PAQR5: variants seen among roughly 807,000 people sequenced by gnomAD.
PAQR5 encodes progestin and adipoQ receptor family member 5, also known as membrane progestin receptor gamma.
PAQR5 carries 20 observed loss-of-function variants against 34.5 expected under a neutral mutation model. The observed-to-expected ratio is 0.58, with a 90% CI of 0.41 to 0.84. The LOEUF (loss-of-function observed/expected upper bound fraction) is 0.84. Among genes scored for constraint, PAQR5 ranks in the 40% least tolerant of loss-of-function variants. The pLI is 0.00. For missense variants in PAQR5, 378 were observed against 412.7 expected (o/e 0.92, Z 0.73); for synonymous variants, 131 against 155.6 (o/e 0.84, Z 1.18).
At chr15:69,318,658 C>T (rs1213527333) in intron 1 of PAQR5, among the ~76,000 whole-genome samples, 1 of 151,920 alleles carries the variant, frequency 6.6e-6, no homozygotes, top group Non-Finnish European at 1.5e-5. Context: ...TCCCCCTTAT[C>T]TGCAAGGGAG....
intron 3 of PAQR5, among the ~76,000 whole-genome samples, chr15:69,372,661 C>A (rs1388960650): frequency 6.6e-6 from 1 of 152,186 alleles, no homozygotes; most frequent in African/African-American, 2.4e-5. Flanking sequence ...TTGTTTCATA[C>A]CAGCAATGGC....
At chr15:69,312,554 A>T (rs1273856672) in intron 1 of PAQR5, among the ~76,000 whole-genome samples, 1 of 151,254 alleles carries the variant, frequency 6.6e-6, no homozygotes, top group Non-Finnish European at 1.5e-5. Context: ...CAGCGGGGGA[A>T]CTTCGCTCCC....
chr15:69,400,885 A>G (rs967305487), intron 8 of PAQR5: 3 of 152,528 alleles, frequency 2.0e-5, no homozygotes, highest in African/African-American at 4.8e-5. Context: ...AGCCAGCAGC[A>G]TCAGCATCAT....
At chr15:69,382,523 T>G (rs2055915094) in intron 4 of PAQR5, among the ~76,000 whole-genome samples, 2 of 150,570 alleles carry the variant, frequency 1.3e-5, no homozygotes, top group Non-Finnish European at 3.0e-5. Context: ...AGGGTGCCTG[T>G]AGTCCCAGCT....
At chr15:69,402,585 G>A (rs1180494798) in intron 8 of PAQR5, among the ~76,000 whole-genome samples, 1 of 152,086 alleles carries the variant, frequency 6.6e-6, no homozygotes, top group Admixed American at 6.5e-5. Context: ...CAAAGTGCTG[G>A]GATTACAGGC....
At chr15:69,321,652 C>T (rs1211769880) in intron 1 of PAQR5, among the ~76,000 whole-genome samples, 2 of 152,184 alleles carry the variant, frequency 1.3e-5, no homozygotes, top group African/African-American at 4.8e-5. Flanking sequence ...TATCTTTGGA[C>T]CAAACAGATA....
At chr15:69,367,282 T>C (rs1446837934) in intron 3 of PAQR5, among the ~76,000 whole-genome samples, 8 of 152,220 alleles carry the variant, frequency 5.3e-5, no homozygotes, top group South Asian at 2.1e-4. Flanking sequence ...TTTTTTTCTT[T>C]TCATATGCTA....
chr15:69,316,797 G>T (rs2053962011), intron 1 of PAQR5, among the ~76,000 whole-genome samples: 1 of 152,068 alleles, frequency 6.6e-6, no homozygotes, highest in South Asian at 2.1e-4. Context: ...AATTAAGTGG[G>T]GTGTAAAATG....
intron 1 of PAQR5, among the ~76,000 whole-genome samples, chr15:69,329,276 T>C (rs2054323976): frequency 6.6e-6 from 1 of 151,984 alleles, no homozygotes; most frequent in Non-Finnish European, 1.5e-5. Context: ...GGTCCATCCA[T>C]GGATTTTCAT....
At chr15:69,307,010 A>G (rs2053732296) in intron 1 of PAQR5, among the ~76,000 whole-genome samples, 1 of 152,094 alleles carries the variant, frequency 6.6e-6, no homozygotes, top group South Asian at 2.1e-4. Context: ...CACTTAGCAT[A>G]GTGTCTTCAA....
chr15:69,376,079 G>T (rs2055698764), intron 3 of PAQR5, among the ~76,000 whole-genome samples: 1 of 152,188 alleles, frequency 6.6e-6, no homozygotes, highest in African/African-American at 2.4e-5. Context: ...GTGCCCTTCT[G>T]CTCCTAGTTC....
chr15:69,336,163 T>C (rs1037950562), intron 1 of PAQR5, among the ~76,000 whole-genome samples: 1 of 152,220 alleles, frequency 6.6e-6, no homozygotes, highest in African/African-American at 2.4e-5. Flanking sequence ...TTTGGAGTTA[T>C]CATTTTGGCT....
intron 8 of PAQR5, 51 bp downstream of exon 8, chr15:69,400,166 AG>A: frequency 6.4e-7 from 1 of 1,570,930 alleles, no homozygotes; most frequent in Non-Finnish European, 8.7e-7. Flanking sequence ...CTGACTGGGG[AG>A]GGTCCTGTCC....
chr15:69,336,951 G>A (rs1452982935), intron 1 of PAQR5, among the ~76,000 whole-genome samples: 1 of 152,148 alleles, frequency 6.6e-6, no homozygotes, highest in Non-Finnish European at 1.5e-5. Context: ...ATAGACTTTT[G>A]TCATCCACAG....
At chr15:69,331,646 G>A (rs1041462631) in intron 1 of PAQR5, among the ~76,000 whole-genome samples, 2 of 152,004 alleles carry the variant, frequency 1.3e-5, no homozygotes, top group African/African-American at 4.8e-5. Context: ...TCTGGTCTTC[G>A]CCTTGCCCAG....
intron 4 of PAQR5, among the ~76,000 whole-genome samples, chr15:69,383,344 TGGTGGAGGGTGAGTG>T (rs2055974947): frequency 2.3e-5 from 3 of 130,438 alleles, no homozygotes; most frequent in African/African-American, 9.1e-5. Context: ...TCCGTGCTCA[TGGTGGAGGGTGAGTG>T]GGCCTTTGTG....
intron 1 of PAQR5, among the ~76,000 whole-genome samples, chr15:69,302,522 G>C (rs2053628198): frequency 6.6e-6 from 1 of 152,196 alleles, no homozygotes; most frequent in Non-Finnish European, 1.5e-5. Flanking sequence ...TCGAAGGCCA[G>C]GGCAAAGTGA....
At chr15:69,301,250 C>T (rs1238873338) in intron 1 of PAQR5, among the ~76,000 whole-genome samples, 6 of 151,994 alleles carry the variant, frequency 3.9e-5, no homozygotes, top group East Asian at 1.9e-4. Flanking sequence ...ATGACCCACC[C>T]GGGTTGGCCT....
chr15:69,364,413 AAAAACAAAAC>A (rs148375221), intron 3 of PAQR5, among the ~76,000 whole-genome samples: 1 of 145,336 alleles, frequency 6.9e-6, no homozygotes, highest in Non-Finnish European at 1.5e-5. Flanking sequence ...TTCTGTCTCC[AAAAACAAAAC>A]AAAACAAAAC....
Sources: allele counts gnomAD v4.1 joint callset (sites outside exome capture counted in the v4.1 genomes callset), GRCh38; gene constraint gnomAD v4.1.1; transcripts MANE v1.5; gene names NCBI Gene and HGNC (gene_info 2026-07-23, HGNC 2026-07-21).